The following ARL8B variants were observed in gnomAD, a reference collection of about 807,000 sequenced individuals.
The protein encoded by ARL8B is ADP-ribosylation factor-like protein 8B.
ARL8B carries 9 observed loss-of-function variants against 30.6 expected under a neutral mutation model. That is an observed-to-expected ratio of 0.29 (90% CI 0.18 to 0.51). The LOEUF is 0.51. Ranked by LOEUF, ARL8B falls within the 20% of genes least tolerant of loss-of-function variation. The probability of loss-of-function intolerance (pLI) is 0.97; values close to 1 mark genes in which losing one functional copy is unlikely to be tolerated. For missense variants in ARL8B, 130 were observed against 227.2 expected, an observed-to-expected ratio of 0.57 and a Z score of 2.75; for synonymous variants, 74 against 76.0, an observed-to-expected ratio of 0.97 and a Z score of 0.14.
intron 1 of ARL8B, among the ~76,000 whole-genome samples, chr3:5,153,109 A>G (rs1392416279): frequency 6.6e-6 from 1 of 152,146 alleles, no homozygotes; most frequent in East Asian, 1.9e-4. Context: ...TTCCCAGTCC[A>G]CTTAGAATTA....
Position 5,173,955 on chromosome 3 carries a change from G to A in ARL8B, c.373-62G>A, listed in dbSNP as rs190144581. Reference sequence around the variant, plus strand: ...ACTTTGTGTCTTCACATATCAAGATGATAAACTTCTGTGACTTTTTCTTGC... The same window carrying A: ...ACTTTGTGTCTTCACATATCAAGATAATAAACTTCTGTGACTTTTTCTTGC... On this transcript the variant is annotated intron_variant, in intron 4 of 6. Coordinates refer to ENST00000256496, the MANE Select transcript of ARL8B (RefSeq NM_018184.3). 8.4e-4 allele frequency: 1,023 copies of A among 1,219,938 alleles called. 12 individuals are homozygous for A. The African/African-American group carries it at 0.014, about 16-fold the overall frequency. The allele number at this position is 1,219,938 out of a possible 1,614,324, so 75.6% of individuals were successfully genotyped here. A position where few individuals can be genotyped will look rare whatever the true frequency, so the allele number is the denominator to read the frequency against.
intron 1 of ARL8B, among the ~76,000 whole-genome samples, chr3:5,164,916 C>A (rs781028735): frequency 1.3e-5 from 2 of 152,110 alleles, no homozygotes; most frequent in Admixed American, 6.6e-5. Context: ...TCACACATAA[C>A]CCTTCTTTTA....
chr3:5,178,737 C>T lies in ARL8B; in HGVS notation c.*24C>T, dbSNP rs752542985. 1.9e-4 allele frequency: 306 copies of T among 1,611,404 alleles called. No individual in the cohort carries two copies. The highest frequency in any genetic ancestry group is 2.6e-4 in the Non-Finnish European group (304 of 1,179,398). Reference sequence around the variant, plus strand: ...GAAGCATCTCCTGAAGTCTTCCAGTCCTTCTTGGCTATAATCCTAGAATTA... The same window carrying T: ...GAAGCATCTCCTGAAGTCTTCCAGTTCTTCTTGGCTATAATCCTAGAATTA... On this transcript the variant is annotated 3_prime_UTR_variant, in exon 7 of 7. Transcript: ENST00000256496.
chr3:5,145,641 G>T (rs2054412620), intron 1 of ARL8B, among the ~76,000 whole-genome samples: 1 of 152,134 alleles, frequency 6.6e-6, no homozygotes, highest in African/African-American at 2.4e-5. Context: ...CTGTAATGAG[G>T]GCCTGTTTTA....
intron 6 of ARL8B, among the ~76,000 whole-genome samples, chr3:5,177,093 C>T (rs1263586595): frequency 6.6e-6 from 1 of 152,090 alleles, no homozygotes; most frequent in Non-Finnish European, 1.5e-5. Context: ...TTCTGTTTTT[C>T]CATTGTTACA....
intron 1 of ARL8B, among the ~76,000 whole-genome samples, chr3:5,136,841 C>G (rs571897151): frequency 1.3e-5 from 2 of 152,244 alleles, no homozygotes; most frequent in South Asian, 4.1e-4. Flanking sequence ...TCCTTTCCCC[C>G]TAGATGGCAC....
At chr3:5,123,360 A>C (rs994948320) in intron 1 of ARL8B, among the ~76,000 whole-genome samples, 1 of 152,222 alleles carries the variant, frequency 6.6e-6, no homozygotes, top group African/African-American at 2.4e-5. Flanking sequence ...ATAGCTTAGC[A>C]GGCCTAGGGA....
chr3:5,140,295 T>G (rs2054361385), intron 1 of ARL8B, among the ~76,000 whole-genome samples: 1 of 152,154 alleles, frequency 6.6e-6, no homozygotes, highest in Non-Finnish European at 1.5e-5. Context: ...ATTTTCCCCA[T>G]ACTGTTTTTT....
At chr3:5,160,431 G>A (rs2054570941) in intron 1 of ARL8B, among the ~76,000 whole-genome samples, 1 of 152,174 alleles carries the variant, frequency 6.6e-6, no homozygotes, top group African/African-American at 2.4e-5. Flanking sequence ...ATAATCTTTA[G>A]AGACCTTTTA....
chr3:5,166,924 C>T (rs1164400337), intron 1 of ARL8B, among the ~76,000 whole-genome samples: 10 of 152,094 alleles, frequency 6.6e-5, no homozygotes, highest in Non-Finnish European at 1.3e-4. Context: ...CCTTGCTTAC[C>T]TGTATTTTAA....
intron 1 of ARL8B, chr3:5,128,507 T>G (rs1476894333): frequency 2.2e-6 from 1 of 445,922 alleles, no homozygotes; most frequent in Non-Finnish European, 4.5e-6. Flanking sequence ...GCTGTTAGAG[T>G]GCAATAATGC....
chr3:5,154,289 C>G (rs1303155443), intron 1 of ARL8B, among the ~76,000 whole-genome samples: 2 of 151,230 alleles, frequency 1.3e-5, no homozygotes, highest in Non-Finnish European at 2.9e-5. Flanking sequence ...CTGTTCATTT[C>G]ACAGTTTTGT....
In ARL8B at chr3:5,161,035, C is replaced by G. The variant is rs1270675018; in HGVS notation, c.124-9468C>G. Among the ~76,000 whole-genome samples the G allele has an allele frequency of 2.0e-5, 3 of 152,356 alleles. No individual in the cohort carries two copies. In the East Asian group the frequency reaches 5.8e-4, roughly 29 times the overall value. On this transcript the variant is annotated intron_variant, in intron 1 of 6. Coordinates refer to ENST00000256496, the MANE Select transcript of ARL8B (RefSeq NM_018184.3). ...CCAGGCTCAAGCCATCTTCCCACCT[C>G]AGCCTTCCAAGTAGCTTGGGACCGC...
At chr3:5,145,478 C>T (rs752134821) in intron 1 of ARL8B, among the ~76,000 whole-genome samples, 8 of 152,092 alleles carry the variant, frequency 5.3e-5, no homozygotes, top group Non-Finnish European at 1.0e-4. Flanking sequence ...TCGGGCCACC[C>T]GAGAGAGACA....
Position 5,147,246 on chromosome 3 carries a change from A to C in ARL8B, c.124-23257A>C, listed in dbSNP as rs1002983522. 9.9e-5 allele frequency among the ~76,000 whole-genome samples: 15 copies of C among 152,034 alleles called. No homozygotes were observed. The East Asian group carries it at 2.9e-3, about 29-fold the overall frequency. ...CAGGTGTTCTCATTGTTCAGTTCCC[A>C]CCTATGAGTGAGAACATGCAGTGTT... On this transcript the variant is annotated intron_variant, in intron 1 of 6. Coordinates refer to ENST00000256496, the MANE Select transcript of ARL8B (RefSeq NM_018184.3).
intron 6 of ARL8B, among the ~76,000 whole-genome samples, chr3:5,175,185 G>T (rs530533596): frequency 1.3e-5 from 2 of 152,044 alleles, no homozygotes; most frequent in African/African-American, 4.8e-5. Context: ...CCCTCATTTC[G>T]TTCAGCGTTA....
intron 1 of ARL8B, among the ~76,000 whole-genome samples, chr3:5,156,723 G>A (rs1321747135): frequency 6.6e-6 from 1 of 152,096 alleles, no homozygotes; most frequent in African/African-American, 2.4e-5. Context: ...GCCTCAAATG[G>A]GATTTCAGGC....
At chr3:5,137,337 C>T (rs1011428735) in intron 1 of ARL8B, among the ~76,000 whole-genome samples, 1 of 151,852 alleles carries the variant, frequency 6.6e-6, no homozygotes, top group Non-Finnish European at 1.5e-5. Flanking sequence ...TCACCTTTCA[C>T]GTGAGCACTG....
At chr3:5,140,945 G>A (rs189382255) in intron 1 of ARL8B, among the ~76,000 whole-genome samples, 13 of 152,250 alleles carry the variant, frequency 8.5e-5, no homozygotes, top group African/African-American at 2.6e-4. Context: ...CAGTCACACC[G>A]GGGACAGTTA....
Sources: allele counts gnomAD v4.1 joint callset (sites outside exome capture counted in the v4.1 genomes callset), GRCh38; gene constraint gnomAD v4.1.1; transcripts MANE v1.5; gene names NCBI Gene and HGNC (gene_info 2026-07-23, HGNC 2026-07-21).